The following PRKN variants were observed in gnomAD, a reference collection of about 807,000 sequenced individuals.
PRKN encodes E3 ubiquitin-protein ligase parkin.
A neutral mutation model predicts 59.5 loss-of-function variants in PRKN; 56 were observed. That is an observed-to-expected ratio of 0.94 (90% CI 0.76 to 1.18). PRKN has a LOEUF of 1.18. Ranked by LOEUF, PRKN falls within the 50% of genes most tolerant of loss-of-function variation. PRKN has a pLI of 0.00. For synonymous variants in PRKN, 250 were observed against 222.1 expected (o/e 1.13, Z -1.12); for missense variants, 657 against 596.4 (o/e 1.10, Z -1.06).
At chr6:161,997,640 C>T (rs1014342551) in intron 5 of PRKN, among the ~76,000 whole-genome samples, 1 of 152,150 alleles carries the variant, frequency 6.6e-6, no homozygotes, top group Non-Finnish European at 1.5e-5. Flanking sequence ...TGATATCAGG[C>T]ACCTGCTATT....
At chr6:162,049,959 T>C (rs1391339440) in intron 5 of PRKN, among the ~76,000 whole-genome samples, 1 of 152,120 alleles carries the variant, frequency 6.6e-6, no homozygotes, top group Non-Finnish European at 1.5e-5. Context: ...GTTAAATTTA[T>C]CCACATATTT....
intron 3 of PRKN, among the ~76,000 whole-genome samples, chr6:162,234,673 A>C (rs962502028): frequency 6.6e-6 from 1 of 152,140 alleles, no homozygotes; most frequent in African/African-American, 2.4e-5. Context: ...AATTTGCATT[A>C]TGTTTTATAT....
chr6:161,520,957 C>T (rs1478660951), intron 9 of PRKN, among the ~76,000 whole-genome samples: 3 of 152,176 alleles, frequency 2.0e-5, no homozygotes, highest in African/African-American at 7.2e-5. Flanking sequence ...CACAAAGCTA[C>T]AGAGCTTAAT....
intron 6 of PRKN, among the ~76,000 whole-genome samples, chr6:161,909,707 G>T (rs1778283162): frequency 6.6e-6 from 1 of 152,154 alleles, no homozygotes; most frequent in Non-Finnish European, 1.5e-5. Flanking sequence ...CTAAAAGCAG[G>T]TTTTACCCTG....
At chr6:162,429,493 T>G (rs1583559147) in intron 2 of PRKN, among the ~76,000 whole-genome samples, 1 of 152,092 alleles carries the variant, frequency 6.6e-6, no homozygotes, top group African/African-American at 2.4e-5. Flanking sequence ...CTCCATTCAT[T>G]GGCCCTGGAG....
At chr6:161,509,503 G>GGAT (rs1259653919) in intron 9 of PRKN, among the ~76,000 whole-genome samples, 1 of 151,970 alleles carries the variant, frequency 6.6e-6, no homozygotes, top group African/African-American at 2.4e-5. Context: ...TTAAAGGAGG[G>GGAT]GATGGCCTTT....
At chr6:161,806,658 G>A (rs1034545591) in intron 6 of PRKN, among the ~76,000 whole-genome samples, 6 of 152,122 alleles carry the variant, frequency 3.9e-5, no homozygotes, top group Admixed American at 1.3e-4. Flanking sequence ...TCTGTAGGAC[G>A]GAACACTCCA....
In PRKN at chr6:161,410,817, G is replaced by A. The variant is rs545853994; in HGVS notation, c.1084-23940C>T. ...CAGCAGCCTCAGGTATGGGCAGAAC[G>A]TTGAATCCTCAGAATGATATGGGAT... On this transcript the variant is annotated intron_variant, in intron 9 of 11. Coordinates refer to ENST00000366898, the MANE Select transcript of PRKN (RefSeq NM_004562.3). The surrounding 1 kb of genome is among the most constrained non-coding windows in gnomAD (Gnocchi z 5.3). 5.9e-5 allele frequency among the ~76,000 whole-genome samples: 9 copies of A among 152,204 alleles called. 1 individual carries two copies. The highest frequency in any genetic ancestry group is 1.9e-4 in the East Asian group (1 of 5,158).
intron 9 of PRKN, among the ~76,000 whole-genome samples, chr6:161,426,644 TACACAC>T (rs546537464): frequency 3.9e-4 from 12 of 31,044 alleles, no homozygotes; most frequent in Non-Finnish European, 3.6e-4. Context: ...AACTCCCCTT[TACACAC>T]ACACACACAC....
intron 7 of PRKN, among the ~76,000 whole-genome samples, chr6:161,639,041 C>T (rs1783637989): frequency 6.6e-6 from 1 of 152,124 alleles, no homozygotes; most frequent in Admixed American, 6.5e-5. Context: ...TGTGCCCAGC[C>T]GATCTGACGG....
intron 2 of PRKN, among the ~76,000 whole-genome samples, chr6:162,407,341 C>T (rs1055018265): frequency 3.9e-5 from 6 of 152,142 alleles, no homozygotes; most frequent in Non-Finnish European, 7.3e-5. Flanking sequence ...TCAGTTTAGC[C>T]TTTCATAACG....
At chr6:161,607,173 G>C (rs975445827) in intron 7 of PRKN, among the ~76,000 whole-genome samples, 5 of 152,154 alleles carry the variant, frequency 3.3e-5, no homozygotes, top group Non-Finnish European at 7.3e-5. Context: ...TCCAGTGTTT[G>C]GGTGCAGGTG....
intron 7 of PRKN, among the ~76,000 whole-genome samples, chr6:161,724,153 C>T (rs949085672): frequency 6.6e-6 from 1 of 152,196 alleles, no homozygotes; most frequent in Non-Finnish European, 1.5e-5. Context: ...AAAGGACGGG[C>T]ACATGGAATA....
chr6:162,034,206 G>GAGAGAA (rs1783755386), intron 5 of PRKN, among the ~76,000 whole-genome samples: 1 of 151,208 alleles, frequency 6.6e-6, no homozygotes. Context: ...GAGAGAGAGA[G>GAGAGAA]AGAGAGAGAG....
intron 4 of PRKN, among the ~76,000 whole-genome samples, chr6:162,100,470 AGAT>A (rs1485878072): frequency 1.3e-5 from 2 of 149,594 alleles, no homozygotes; most frequent in Non-Finnish European, 3.0e-5. Flanking sequence ...TTTTTTTTTA[AGAT>A]AGATGTCGCT....
intron 7 of PRKN, among the ~76,000 whole-genome samples, chr6:161,618,324 A>G (rs1343164549): frequency 6.6e-6 from 1 of 152,178 alleles, no homozygotes; most frequent in African/African-American, 2.4e-5. Flanking sequence ...CAGGATATGA[A>G]CAACTTCAAT....
At chr6:161,652,360 TAATTTA>T (rs60616916) in intron 7 of PRKN, among the ~76,000 whole-genome samples, 75,676 of 151,692 alleles carry the variant, frequency 0.5, 21,770 homozygotes, top group African/African-American at 0.81. Flanking sequence ...GGAACACCAT[TAATTTA>T]AATTTAAAGC....
At chr6:162,495,415 G>A (rs1303313586) in intron 1 of PRKN, among the ~76,000 whole-genome samples, 1 of 152,088 alleles carries the variant, frequency 6.6e-6, no homozygotes, top group Non-Finnish European at 1.5e-5. Flanking sequence ...ATTAAGTTGT[G>A]TCCAAATGAC....
At chr6:162,379,670 G>A (rs1786320381) in intron 2 of PRKN, among the ~76,000 whole-genome samples, 1 of 152,176 alleles carries the variant, frequency 6.6e-6, no homozygotes. Context: ...CTGAGAGCAT[G>A]CATGTGGACA....
Sources: allele counts gnomAD v4.1 joint callset (sites outside exome capture counted in the v4.1 genomes callset), GRCh38; gene constraint gnomAD v4.1.1; non-coding constraint Gnocchi (gnomAD v3.1); transcripts MANE v1.5; gene names NCBI Gene and HGNC (gene_info 2026-07-23, HGNC 2026-07-21).